The following SREK1IP1 variants were observed in gnomAD, a reference collection of about 807,000 sequenced individuals.
SREK1IP1 encodes the protein SREK1 interacting protein 1.
In SREK1IP1, 12 loss-of-function variants were observed where a neutral mutation model predicts 22.8. The observed-to-expected ratio is 0.53, with a 90% CI of 0.34 to 0.85. The LOEUF is 0.85. Ranked by LOEUF, SREK1IP1 falls within the 40% of genes least tolerant of loss-of-function variation. The probability of loss-of-function intolerance (pLI) is 0.02; values close to 1 mark genes in which losing one functional copy is unlikely to be tolerated. For synonymous variants in SREK1IP1, 53 were observed against 52.7 expected (o/e 1.01, Z -0.02); for missense variants, 147 against 171.8 (o/e 0.86, Z 0.81).
Position 64,721,369 on chromosome 5 carries a change from T to C in SREK1IP1, c.*3015A>G, listed in dbSNP as rs1270145478. ...TTCAATGGCATTTTTATCAACATTATTAACAACTCTTCAGCCTAGTTTACT... is the reference window on the plus strand; with the variant it reads ...TTCAATGGCATTTTTATCAACATTACTAACAACTCTTCAGCCTAGTTTACT... On this transcript the variant is annotated 3_prime_UTR_variant, in exon 5 of 5. Transcript: ENST00000513458. 6.6e-6 allele frequency: 1 copy of C among 152,190 alleles called. No individual in the cohort carries two copies. The highest frequency in any genetic ancestry group is 1.9e-4 in the East Asian group (1 of 5,198). The allele number at this position is 152,190 out of a possible 1,614,324, so 9.4% of individuals were successfully genotyped here. A position where few individuals can be genotyped will look rare whatever the true frequency, so the allele number is the denominator to read the frequency against.
Position 64,718,954 on chromosome 5 carries a change from C to T in SREK1IP1, c.*5430G>A, listed in dbSNP as rs1036120707. The T allele has an allele frequency of 6.6e-6, 1 of 152,208 alleles. No homozygotes were observed. Among genetic ancestry groups the T allele is most frequent in the African/African-American group, 2.4e-5 (1 of 41,464 alleles). 9.4% of individuals were successfully genotyped at this position (152,208 alleles called of 1,614,324 possible). On this transcript the variant is annotated 3_prime_UTR_variant, in exon 5 of 5. Transcript: ENST00000513458. The stretch of plus-strand genomic sequence containing the variant: ...GCATTTCAAAATGTGCTGAATACAG[C>T]TTCTCTGGTCTGATATATAAAAAAG...
intron 2 of SREK1IP1, among the ~76,000 whole-genome samples, chr5:64,742,535 T>C (rs1379747038): frequency 6.6e-6 from 1 of 152,240 alleles, no homozygotes; most frequent in Non-Finnish European, 1.5e-5. Flanking sequence ...AATGATTCAC[T>C]ACAAATCTAT....
At chr5:64,758,318 G>T (rs1742885274) in intron 1 of SREK1IP1, among the ~76,000 whole-genome samples, 1 of 152,104 alleles carries the variant, frequency 6.6e-6, no homozygotes, top group African/African-American at 2.4e-5. Flanking sequence ...GCAGGTGCCT[G>T]CCACCACACC....
chr5:64,732,060 T>C (rs1038058488), intron 3 of SREK1IP1, among the ~76,000 whole-genome samples: 1 of 152,222 alleles, frequency 6.6e-6, no homozygotes, highest in Non-Finnish European at 1.5e-5. Flanking sequence ...ATCAGTGCTA[T>C]AGGCTACTTA....
intron 1 of SREK1IP1, among the ~76,000 whole-genome samples, chr5:64,761,508 C>G (rs1283100438): frequency 1.3e-5 from 2 of 152,172 alleles, no homozygotes; most frequent in Non-Finnish European, 2.9e-5. Flanking sequence ...CCTACTGCTC[C>G]TAAGCTACAA....
At chr5:64,730,858 A>T (rs184328912) in intron 3 of SREK1IP1, among the ~76,000 whole-genome samples, 1 of 152,344 alleles carries the variant, frequency 6.6e-6, no homozygotes, top group Admixed American at 6.5e-5. Context: ...AAAGAGGTTC[A>T]TCCATATTTG....
intron 2 of SREK1IP1, among the ~76,000 whole-genome samples, chr5:64,750,957 T>G (rs1030151553): frequency 6.6e-6 from 1 of 152,170 alleles, no homozygotes; most frequent in African/African-American, 2.4e-5. Flanking sequence ...CAGAAATTAC[T>G]CAATGTTTTG....
chr5:64,746,872 T>A (rs1236386811), intron 2 of SREK1IP1, among the ~76,000 whole-genome samples: 1 of 152,202 alleles, frequency 6.6e-6, no homozygotes, highest in East Asian at 1.9e-4. Flanking sequence ...CACCCATACT[T>A]CTGACCAGCC....
intron 3 of SREK1IP1, among the ~76,000 whole-genome samples, chr5:64,733,684 T>C (rs1368978906): frequency 1.3e-5 from 2 of 152,104 alleles, no homozygotes; most frequent in East Asian, 3.8e-4. Context: ...AAGACTTACG[T>C]TCACCCAAAT....
intron 4 of SREK1IP1, among the ~76,000 whole-genome samples, chr5:64,726,137 C>A (rs1742260708): frequency 6.6e-6 from 1 of 151,840 alleles, no homozygotes; most frequent in South Asian, 2.1e-4. Context: ...TCCCAAAGTG[C>A]TGGGATTATA....
At chr5:64,746,002 T>G (rs1260699873) in intron 2 of SREK1IP1, among the ~76,000 whole-genome samples, 1 of 152,146 alleles carries the variant, frequency 6.6e-6, no homozygotes, top group Non-Finnish European at 1.5e-5. Context: ...ATCAAAGCAG[T>G]TGGTACTGGC....
In SREK1IP1 at chr5:64,741,050, T is replaced by C. The variant is rs199610576; in HGVS notation, c.205+7A>G. On this transcript the variant is annotated splice_region_variant and intron_variant, in intron 3 of 4. Transcript: ENST00000513458. ...ATTTCTAAAGAATGGAAAAAAATAT[T>C]GCTTACTTTTTTCCTGTAATGCCTG... 1.9e-6 allele frequency: 3 copies of C among 1,606,622 alleles called. No homozygotes were observed. The highest frequency in any genetic ancestry group is 1.3e-5 in the African/African-American group (1 of 74,666).
rs1742153745 is a variant in SREK1IP1, at chr5:64,721,018, T to TGAACA, written c.*3365_*3366insTGTTC. 6.6e-6 allele frequency: 1 copy of TGAACA among 152,238 alleles called. No individual in the cohort carries two copies. The highest frequency in any genetic ancestry group is 2.1e-4 in the South Asian group (1 of 4,834). The allele number at this position is 152,238 out of a possible 1,614,324, so 9.4% of individuals were successfully genotyped here. On this transcript the variant is annotated 3_prime_UTR_variant, in exon 5 of 5. Transcript: ENST00000513458. Reference sequence around the variant, plus strand: ...ATAACACAGCTTGTTCTACCTCTGGTGTTTGTTCACAGTACCCACTCTGTC... The same window carrying TGAACA: ...ATAACACAGCTTGTTCTACCTCTGGTGAACAGTTTGTTCACAGTACCCACTCTGTC...
chr5:64,748,105 T>C (rs1204096826), intron 2 of SREK1IP1, among the ~76,000 whole-genome samples: 1 of 152,168 alleles, frequency 6.6e-6, no homozygotes, highest in Non-Finnish European at 1.5e-5. Context: ...CAAGTGTCTA[T>C]CCACAGTGGA....
rs1282424974 is a variant in SREK1IP1 at position 64,768,563 on chromosome 5, CGCTT to C, written c.-50_-47del. 5 of 1,613,706 alleles carry C rather than the reference CGCTT, an allele frequency of 3.1e-6. No homozygotes were observed. In the Admixed American group the frequency reaches 8.3e-5, roughly 27 times the overall value. ...CTCGAGCCTCTGGCTTTCGAAAAGGCGCTTGCTTCCCGCCAGCTGTGAGAACAAG... is the reference window on the plus strand; with the variant it reads ...CTCGAGCCTCTGGCTTTCGAAAAGGCGCTTCCCGCCAGCTGTGAGAACAAG... On this transcript the variant is annotated 5_prime_UTR_variant, in exon 1 of 5. Coordinates refer to ENST00000513458, the MANE Select transcript of SREK1IP1 (RefSeq NM_173829.4).
chr5:64,765,720 G>A (rs1010119556), intron 1 of SREK1IP1, among the ~76,000 whole-genome samples: 8 of 152,120 alleles, frequency 5.3e-5, no homozygotes, highest in Non-Finnish European at 8.8e-5. Flanking sequence ...ATTGAAAGAA[G>A]GTTAACATAT....
At chr5:64,757,887 T>TTTTTTTTTG (rs1742872417) in intron 1 of SREK1IP1, among the ~76,000 whole-genome samples, 1 of 133,080 alleles carries the variant, frequency 7.5e-6, no homozygotes, top group African/African-American at 3.5e-5. Flanking sequence ...TTTTTTTTTT[T>TTTTTTTTTG]GAGACGGAGT....
At chr5:64,739,013 T>A (rs1020949919) in intron 3 of SREK1IP1, among the ~76,000 whole-genome samples, 1 of 152,184 alleles carries the variant, frequency 6.6e-6, no homozygotes, top group Non-Finnish European at 1.5e-5. Flanking sequence ...CTTTGACAGA[T>A]GACCTGTTTA....
At chr5:64,767,088 T>C (rs930757379) in intron 1 of SREK1IP1, among the ~76,000 whole-genome samples, 3 of 152,248 alleles carry the variant, frequency 2.0e-5, no homozygotes, top group African/African-American at 4.8e-5. Context: ...CATCTGTATT[T>C]GAGTTCCATC....
Sources: allele counts gnomAD v4.1 joint callset (sites outside exome capture counted in the v4.1 genomes callset), GRCh38; gene constraint gnomAD v4.1.1; transcripts MANE v1.5; gene names NCBI Gene and HGNC (gene_info 2026-07-23, HGNC 2026-07-21).